DNAH9: variants seen among roughly 807,000 people sequenced by gnomAD.
The protein encoded by DNAH9 is dynein axonemal heavy chain 9.
Under a neutral mutation model 471.6 loss-of-function variants are expected in DNAH9, and 345 were observed. The observed-to-expected ratio is 0.73, with a 90% CI of 0.67 to 0.80. DNAH9 has a LOEUF of 0.80. Ranked by LOEUF, DNAH9 falls within the 30% of genes least tolerant of loss-of-function variation. The pLI is 0.00. For missense variants in DNAH9, 5,407 were observed against 5,609.2 expected (o/e 0.96, Z 1.15); for synonymous variants, 2,093 against 2,123.6 (o/e 0.99, Z 0.40).
chr17:11,633,119 T>C (rs1305840761), intron 8 of DNAH9, among the ~76,000 whole-genome samples: 2 of 152,102 alleles, frequency 1.3e-5, no homozygotes, highest in African/African-American at 4.8e-5. Flanking sequence ...AGATTTGTGC[T>C]CTTATCATAT....
At chr17:11,652,262 G>C in intron 13 of DNAH9, among the ~76,000 whole-genome samples, 1 of 140,976 alleles carries the variant, frequency 7.1e-6, no homozygotes. Flanking sequence ...CCATAATCAG[G>C]ATTATGGTAA....
chr17:11,912,946 T>A (rs1047561631), intron 61 of DNAH9, among the ~76,000 whole-genome samples: 2 of 152,072 alleles, frequency 1.3e-5, no homozygotes, highest in Admixed American at 1.3e-4. Context: ...AGTGGGTGGA[T>A]CACCTGAGGT....
rs1263458622 is a variant in DNAH9, at chr17:11,892,539, C to A, written c.11283+592C>A. Among the ~76,000 whole-genome samples the A allele has an allele frequency of 6.6e-6, 1 of 152,030 alleles. No individual in the cohort carries two copies. Among genetic ancestry groups the A allele is most frequent in the Non-Finnish European group, 1.5e-5 (1 of 68,002 alleles). Reference sequence around the variant, plus strand: ...CTAGTTATTCTCAACATCAAAAAACCATGAAAATTTACTTCCTTTTTTTTA... The same window carrying A: ...CTAGTTATTCTCAACATCAAAAAACAATGAAAATTTACTTCCTTTTTTTTA... On this transcript the variant is annotated intron_variant, in intron 58 of 68. Coordinates refer to ENST00000262442, the MANE Select transcript of DNAH9 (RefSeq NM_001372.4). This position sits in a 1 kb window ranked among gnomAD's most constrained non-coding sequence, Gnocchi z 4.3.
chr17:11,612,150 A>C (rs1173469503), intron 4 of DNAH9: 5 of 517,898 alleles, frequency 9.7e-6, no homozygotes, highest in Non-Finnish European at 1.7e-5. Context: ...GTGTCTTTCA[A>C]ACACTGGGGC....
At chr17:11,882,459 C>T (rs373433530) in intron 55 of DNAH9, among the ~76,000 whole-genome samples, 1 of 151,874 alleles carries the variant, frequency 6.6e-6, no homozygotes, top group Non-Finnish European at 1.5e-5. Context: ...ATGGCGGGGT[C>T]GGTAGGTGGA....
chr17:11,883,835 CT>C, intron 56 of DNAH9, 85 bp downstream of exon 56: 1 of 1,425,844 alleles, frequency 7.0e-7, no homozygotes, highest in Non-Finnish European at 9.4e-7. Flanking sequence ...ATGAGTCTGA[CT>C]TTTAGAAAAA....
At chr17:11,969,183 A>C in intron 68 of DNAH9, 117 bp from the exon 69 acceptor site, 1 of 858,324 alleles carries the variant, frequency 1.2e-6, no homozygotes. Context: ...GGGGGCAGGC[A>C]TAAAGGCAGC....
At chr17:11,958,224 G>A (rs1477629581) in intron 67 of DNAH9, among the ~76,000 whole-genome samples, 1 of 152,162 alleles carries the variant, frequency 6.6e-6, no homozygotes, top group Non-Finnish European at 1.5e-5. Flanking sequence ...AAACAATGGA[G>A]GCAGTAAAAA....
chr17:11,804,790 C>G (rs1211577839), intron 43 of DNAH9, among the ~76,000 whole-genome samples: 1 of 151,454 alleles, frequency 6.6e-6, no homozygotes, highest in East Asian at 2.0e-4. Context: ...AGGGGAATGG[C>G]GTGAACCCAG....
chr17:11,886,994 A>G, intron 57 of DNAH9, 29 bp downstream of exon 57: 1 of 1,599,830 alleles, frequency 6.3e-7, no homozygotes, highest in Non-Finnish European at 8.5e-7. Context: ...TTCTTGCCTG[A>G]TTATAATAAA....
chr17:11,598,528 C>G lies in DNAH9; in HGVS notation c.30C>G (p.Leu10=), dbSNP rs781715550. The change falls in exon 1 of 69, where the codon CTC becomes CTG. Residue 10 remains leucine, a synonymous_variant. Coordinates refer to ENST00000262442, the MANE Select transcript of DNAH9 (RefSeq NM_001372.4). Reference sequence around the variant, plus strand: ...GGCTCGCGGAGGAGCGGGCCGCGCTCGCGGCGGAGAACGCGGATGGGGAAC... The same window carrying G: ...GGCTCGCGGAGGAGCGGGCCGCGCTGGCGGCGGAGAACGCGGATGGGGAAC... MRLAEERAA[L]AAENADGEPG... 2 of 1,397,894 alleles carry G rather than the reference C, an allele frequency of 1.4e-6. No homozygotes were observed. The highest frequency in any genetic ancestry group is 3.0e-5 in the African/African-American group (2 of 66,158). 86.6% of individuals were successfully genotyped at this position (1,397,894 alleles called of 1,614,324 possible). A position where few individuals can be genotyped will look rare whatever the true frequency, so the allele number is the denominator to read the frequency against.
chr17:11,721,498 T>A (rs1021372690), intron 27 of DNAH9, among the ~76,000 whole-genome samples: 2 of 152,116 alleles, frequency 1.3e-5, no homozygotes, highest in Non-Finnish European at 2.9e-5. Context: ...TTTCTGGCTG[T>A]TCAGAATTAT....
intron 37 of DNAH9, 60 bp downstream of exon 37, chr17:11,768,686 C>T: frequency 1.3e-6 from 2 of 1,573,334 alleles, no homozygotes; most frequent in Non-Finnish European, 1.7e-6. Flanking sequence ...TCTGCAGTGG[C>T]TCCAGTAGCA....
chr17:11,611,619 C>A, intron 3 of DNAH9, 31 bp from the exon 4 acceptor site: 1 of 1,609,278 alleles, frequency 6.2e-7, no homozygotes. Flanking sequence ...CTGATGCTTC[C>A]CTGGATTCAC....
chr17:11,697,957 A>G (rs1220188650), intron 22 of DNAH9, among the ~76,000 whole-genome samples: 1 of 150,962 alleles, frequency 6.6e-6, no homozygotes, highest in African/African-American at 2.4e-5. Flanking sequence ...GATGGTTCAC[A>G]AATTGATTTG....
At chr17:11,835,929 A>G (rs1206504607) in intron 49 of DNAH9, among the ~76,000 whole-genome samples, 1 of 152,164 alleles carries the variant, frequency 6.6e-6, no homozygotes. Context: ...CTCTGCCCAC[A>G]TGCCTCGGAG....
chr17:11,698,041 TAAA>T (rs1225122126), intron 22 of DNAH9, among the ~76,000 whole-genome samples: 1 of 145,388 alleles, frequency 6.9e-6, no homozygotes, highest in African/African-American at 2.5e-5. Flanking sequence ...GTATAAAGGT[TAAA>T]AAAATTATAT....
chr17:11,903,431 T>A (rs1597807585), intron 60 of DNAH9, among the ~76,000 whole-genome samples: 2 of 152,268 alleles, frequency 1.3e-5, no homozygotes, highest in South Asian at 4.1e-4. Context: ...AAAACGGGGT[T>A]ATGGTAAAGA....
At position 11,911,953 on chromosome 17, in the gene DNAH9, T is replaced by A. The variant is rs1240652663; in HGVS notation, c.11749+6144T>A. ...TTCCTTCTAGTGAATTTCTTAGGAT[T>A]TTCCAGTTACAAGACCATGTTATCT... On this transcript the variant is annotated intron_variant, in intron 61 of 68. Transcript: ENST00000262442. 2.0e-5 allele frequency among the ~76,000 whole-genome samples: 3 copies of A among 152,226 alleles called. No individual in the cohort carries two copies. The East Asian group carries it at 5.8e-4, about 29-fold the overall frequency.
Sources: gnomAD v4.1 joint callset for allele counts (sites outside exome capture counted in the v4.1 genomes callset) on GRCh38, gnomAD v4.1.1 for gene constraint, Gnocchi (gnomAD v3.1) non-coding constraint, MANE v1.5 for transcripts, NCBI Gene and HGNC (gene_info 2026-07-23, HGNC 2026-07-21) for gene names.